The following FMNL3 variants were observed in gnomAD, a reference collection of about 807,000 sequenced individuals.
FMNL3 encodes formin-like protein 3.
FMNL3 carries 57 observed loss-of-function variants against 119.6 expected under a neutral mutation model. The ratio of observed to expected loss-of-function variants is 0.48; its 90% CI spans 0.39 to 0.59. The LOEUF is 0.59. Ranked by LOEUF, FMNL3 falls within the 20% of genes least tolerant of loss-of-function variation. FMNL3 has a pLI of 0.00. For missense variants in FMNL3, 1,053 were observed against 1,323.5 expected (o/e 0.80, Z 3.17); for synonymous variants, 491 against 507.3 (o/e 0.97, Z 0.43).
chr12:49,657,131 T>C lies in FMNL3; in HGVS notation c.665A>G (p.Asp222Gly). The C allele has an allele frequency of 1.2e-5, 19 of 1,614,118 alleles. No homozygotes were observed. Among genetic ancestry groups the C allele is most frequent in the Non-Finnish European group, 1.6e-5 (19 of 1,180,020 alleles). ...LKNSRLVSQK[D>G]DVHVCILCLR... ...ACAAAGGATACAGACGTGGACGTCA[T>C]CCTTCTGGCTCACTAGGCGGGAGTT... Residue 222 changes from aspartate to glycine, a missense_variant, in exon 7 of 26, where the codon GAT (aspartate) becomes GGT (glycine). By Grantham distance (94) the Asp-to-Gly change is moderately conservative. This residue lies in a region of FMNL3 where 445 missense variants were observed against 628.4 expected (regional missense o/e 0.71). Transcript: ENST00000335154.
At chr12:49,706,036 T>A (rs1404261275) in intron 1 of FMNL3, among the ~76,000 whole-genome samples, 1 of 152,214 alleles carries the variant, frequency 6.6e-6, no homozygotes, top group Non-Finnish European at 1.5e-5. Context: ...GAATTATTAC[T>A]GCTTCTTAGA....
chr12:49,667,720 C>T (rs1359007003), intron 2 of FMNL3, among the ~76,000 whole-genome samples: 2 of 152,150 alleles, frequency 1.3e-5, no homozygotes, highest in African/African-American at 4.8e-5. Context: ...TAAATGTTAC[C>T]TATTATTATT....
chr12:49,663,843 A>C (rs1216601654), intron 4 of FMNL3, among the ~76,000 whole-genome samples: 2 of 152,228 alleles, frequency 1.3e-5, no homozygotes, highest in Non-Finnish European at 2.9e-5. Context: ...CTTAATCAAG[A>C]AAACAAGGCT....
In FMNL3 at chr12:49,653,755, C is replaced by G. The variant is rs1313101915; in HGVS notation, c.1191G>C (p.Lys397Asn). The change falls in exon 12 of 26, where the codon AAG becomes AAC. Residue 397 changes from lysine to asparagine, a missense_variant. Around this residue, in one of 4 missense-constraint regions of FMNL3, gnomAD observed 445 missense variants for 628.4 expected, o/e 0.71. Transcript: ENST00000335154. ...ACACATGCTCCTCCAACTCCTCCAC[C>G]TTCTCCAGGGCTACATTCTTGGTCT... ...DAETKNVALE[K>N]VEELEEHVSH... 1.2e-6 allele frequency: 2 copies of G among 1,614,114 alleles called. No homozygotes were observed. Among genetic ancestry groups the G allele is most frequent in the African/African-American group, 1.3e-5 (1 of 74,934 alleles).
rs201743403 is a variant in FMNL3 at position 49,668,523 on chromosome 12, C to A, written c.158G>T (p.Arg53Leu). 30 of 1,614,140 alleles carry A rather than the reference C, an allele frequency of 1.9e-5. No individual in the cohort carries two copies. Among genetic ancestry groups the A allele is most frequent in the Non-Finnish European group, 2.5e-5 (29 of 1,180,034 alleles). The part of the protein sequence containing the change: ...SSMNLPPDKA[R>L]LLRQYDNEKK... ...CTCATTGTCATACTGCCGCAGGAGC[C>A]GGGCCTTGTCTGGAGGCAGGTTCAT... The change falls in exon 2 of 26, where the codon CGG (arginine) becomes CTG (leucine). Residue 53 changes from arginine to leucine, a missense_variant. Around this residue, in one of 4 missense-constraint regions of FMNL3, gnomAD observed 264 missense variants for 265.5 expected, o/e 0.99. Transcript: ENST00000335154.
chr12:49,657,183 T>A lies in FMNL3; in HGVS notation c.613A>T (p.Thr205Ser), dbSNP rs754861315. The change falls in exon 7 of 26, where the codon ACT becomes TCT. Residue 205 changes from threonine to serine, a missense_variant. By Grantham distance (58) the Thr-to-Ser change is moderately conservative. Around this residue, in one of 4 missense-constraint regions of FMNL3, gnomAD observed 264 missense variants for 265.5 expected, o/e 0.99. Transcript: ENST00000335154. ...SARQSVLRYS[T>S]LPGRRALKNS... ...TTCAGGGCCCTGCGCCCAGGGAGAGTGCTATACCTGGGGAGATGGGCCAGG... is the reference window on the plus strand; with the variant it reads ...TTCAGGGCCCTGCGCCCAGGGAGAGAGCTATACCTGGGGAGATGGGCCAGG... The A allele has an allele frequency of 1.9e-5, 30 of 1,612,380 alleles. No individual in the cohort carries two copies. Among genetic ancestry groups the A allele is most frequent in the Middle Eastern group, 1.6e-4 (1 of 6,080 alleles).
At position 49,652,209 on chromosome 12, in the gene FMNL3, T is replaced by C; in HGVS notation, c.1327A>G (p.Thr443Ala). Residue 443 changes from threonine to alanine, a missense_variant, in exon 14 of 26, where the codon ACA (threonine) becomes GCA (alanine). Thr to Ala is a moderately conservative substitution (Grantham distance 58). Transcript: ENST00000335154. ...ACCTGGTGGCTTGTGTTCTCATATG[T>C]CTCCTGGCAGGCAGACAGCACCATT... ...REKELESIKE[T>A]YENTSHQVHT... 6.2e-7 allele frequency: 1 copy of C among 1,611,832 alleles called. No individual in the cohort carries two copies. The highest frequency in any genetic ancestry group is 2.2e-5 in the East Asian group (1 of 44,850).
intron 22 of FMNL3, among the ~76,000 whole-genome samples, 161 bp downstream of exon 22, chr12:49,648,032 C>A (rs1565864438): frequency 1.3e-5 from 2 of 151,330 alleles, no homozygotes; most frequent in African/African-American, 2.4e-5. Flanking sequence ...CCCTACATGT[C>A]TCCAGAGGCA....
At chr12:49,653,409 G>T (rs1943469868) in intron 12 of FMNL3, 82 bp from the exon 13 acceptor site, 2 of 1,406,294 alleles carry the variant, frequency 1.4e-6, no homozygotes, top group South Asian at 1.2e-5. Context: ...CAAGACCTGA[G>T]TCGGACCCCT....
chr12:49,660,819 A>C (rs1565876499), intron 5 of FMNL3, among the ~76,000 whole-genome samples: 1 of 152,212 alleles, frequency 6.6e-6, no homozygotes, highest in Non-Finnish European at 1.5e-5. Context: ...AAGTTAGCTA[A>C]GCATGGTGGT....
At position 49,707,378 on chromosome 12, in the gene FMNL3, G is replaced by A; in HGVS notation, c.-198C>T. The A allele has an allele frequency of 2.4e-6, 1 of 424,210 alleles. No homozygotes were observed. The highest frequency in any genetic ancestry group is 4.1e-6 in the Non-Finnish European group (1 of 246,610). The allele number at this position is 424,210 out of a possible 1,614,324, so 26.3% of individuals were successfully genotyped here. On this transcript the variant is annotated 5_prime_UTR_variant, in exon 1 of 26. Transcript: ENST00000335154. ...GAGGGCGGAGGCAGCGTAGCGGACA[G>A]CCGCACCGAAGCAAGGCGGACGGAG...
At chr12:49,676,293 G>A (rs546806399) in intron 1 of FMNL3, among the ~76,000 whole-genome samples, 11 of 152,228 alleles carry the variant, frequency 7.2e-5, no homozygotes, top group Middle Eastern at 3.4e-3. Flanking sequence ...AACAGAAGTC[G>A]TGTGCACAAC....
intron 1 of FMNL3, among the ~76,000 whole-genome samples, 180 bp downstream of exon 1, chr12:49,706,875 G>C: frequency 6.6e-6 from 1 of 152,130 alleles, no homozygotes; most frequent in Non-Finnish European, 1.5e-5. Context: ...GATCCCCGAC[G>C]GGGCTGTCCG....
rs199891929 is a variant in FMNL3, at chr12:49,641,321, G to GCC, written c.*4492_*4493dup. 1 of 152,242 alleles carries GCC rather than the reference G, an allele frequency of 6.6e-6. No homozygotes were observed. Among genetic ancestry groups the GCC allele is most frequent in the African/African-American group, 2.4e-5 (1 of 41,392 alleles). 9.4% of individuals were successfully genotyped at this position (152,242 alleles called of 1,614,324 possible). On this transcript the variant is annotated 3_prime_UTR_variant, in exon 26 of 26. Coordinates refer to ENST00000335154, the MANE Select transcript of FMNL3 (RefSeq NM_175736.5). ...AAAGCAGACACTTTGGGGATAGAGAGCCCCCCCAGGGTAGGGTTCTTGCCC... is the reference window on the plus strand; with the variant it reads ...AAAGCAGACACTTTGGGGATAGAGAGCCCCCCCCCAGGGTAGGGTTCTTGCCC...
chr12:49,664,818 G>A (rs1943841595), intron 4 of FMNL3, among the ~76,000 whole-genome samples: 1 of 152,140 alleles, frequency 6.6e-6, no homozygotes, highest in African/African-American at 2.4e-5. Flanking sequence ...AAAGAATCCT[G>A]GGAAGGCTTG....
At position 49,643,007 on chromosome 12, in the gene FMNL3, C is replaced by A; in HGVS notation, c.*2808G>T. 1 of 1,613,750 alleles carries A rather than the reference C, an allele frequency of 6.2e-7. No individual in the cohort carries two copies. The highest frequency in any genetic ancestry group is 1.1e-5 in the South Asian group (1 of 90,988). On this transcript the variant is annotated 3_prime_UTR_variant, in exon 26 of 26. Coordinates refer to ENST00000335154, the MANE Select transcript of FMNL3 (RefSeq NM_175736.5). The stretch of plus-strand genomic sequence containing the variant: ...AGAAGCACCATCACAAGCGTTCCCA[C>A]TCACCCTCAGTGAGTAAGCGTGTAG...
chr12:49,637,656 C>A lies in FMNL3; in HGVS notation c.*8159G>T. ...CCAGCCTCTCTGCACCCCCTACTACCGGCTCCTGTCCTCGGCCCAGCCCCC... is the reference window on the plus strand; with the variant it reads ...CCAGCCTCTCTGCACCCCCTACTACAGGCTCCTGTCCTCGGCCCAGCCCCC... On this transcript the variant is annotated 3_prime_UTR_variant, in exon 26 of 26. Transcript: ENST00000335154. 1 of 1,556,910 alleles carries A rather than the reference C, an allele frequency of 6.4e-7. No individual in the cohort carries two copies. The highest frequency in any genetic ancestry group is 8.8e-7 in the Non-Finnish European group (1 of 1,133,212).
chr12:49,694,674 G>A (rs1944703548), intron 1 of FMNL3, among the ~76,000 whole-genome samples: 1 of 152,180 alleles, frequency 6.6e-6, no homozygotes, highest in African/African-American at 2.4e-5. Context: ...ACTTTGGGAG[G>A]CCGAGGCAGG....
At position 49,649,018 on chromosome 12, in the gene FMNL3, G is replaced by C; in HGVS notation, c.2515+11C>G. ...TGTGAGGGCAGGCCCACCCAGCCAG[G>C]CTCTCCTCACCTGCTGCAGCCTTCT... is the stretch of plus-strand genomic sequence containing the variant. On this transcript the variant is annotated intron_variant, in intron 21 of 25. Transcript: ENST00000335154. This position sits in a 1 kb window ranked among gnomAD's most constrained non-coding sequence, Gnocchi z 5.6. The C allele has an allele frequency of 1.3e-6, 2 of 1,576,776 alleles. No individual in the cohort carries two copies. The highest frequency in any genetic ancestry group is 1.7e-6 in the Non-Finnish European group (2 of 1,161,750).
Sources: gnomAD v4.1 joint callset for allele counts (sites outside exome capture counted in the v4.1 genomes callset) on GRCh38, gnomAD v4.1.1 for gene constraint, gnomAD v4.1.1 regional missense constraint, Gnocchi (gnomAD v3.1) non-coding constraint, MANE v1.5 for transcripts, NCBI Gene and HGNC (gene_info 2026-07-23, HGNC 2026-07-21) for gene names.